NEBL: variants seen among roughly 807,000 people sequenced by gnomAD.
NEBL encodes the protein nebulette.
Under a neutral mutation model 140.2 loss-of-function variants are expected in NEBL, and 122 were observed. The ratio of observed to expected loss-of-function variants is 0.87; its 90% CI spans 0.75 to 1.01. The LOEUF (loss-of-function observed/expected upper bound fraction) is 1.01, where lower values mean the gene tolerates loss of function less well. Among genes scored for constraint, NEBL ranks in the 50% least tolerant of loss-of-function variants. The pLI is 0.00. For synonymous variants in NEBL, 436 were observed against 398.9 expected, an observed-to-expected ratio of 1.09 and a Z score of -1.11; for missense variants, 1,365 against 1,231.3, an observed-to-expected ratio of 1.11 and a Z score of -1.62.
intron 2 of NEBL, among the ~76,000 whole-genome samples, chr10:21,076,076 C>T (rs1312510746): frequency 6.6e-6 from 1 of 152,004 alleles, no homozygotes; most frequent in African/African-American, 2.4e-5. Flanking sequence ...AACTTTTATG[C>T]ATTATCAGCG....
At chr10:21,126,296 A>G in intron 2 of NEBL, 2 of 640,760 alleles carry the variant, frequency 3.1e-6, no homozygotes. Context: ...TTAAGTATAG[A>G]AATGTTTATA....
intron 4 of NEBL, among the ~76,000 whole-genome samples, chr10:20,932,881 C>G (rs897948171): frequency 1.3e-5 from 2 of 152,218 alleles, no homozygotes; most frequent in Non-Finnish European, 2.9e-5. Flanking sequence ...CATGCATATG[C>G]ATATTTTCAT....
chr10:21,042,862 G>C (rs1042419159), intron 2 of NEBL, among the ~76,000 whole-genome samples: 3 of 152,198 alleles, frequency 2.0e-5, no homozygotes, highest in Admixed American at 6.5e-5. Flanking sequence ...CTTTCACAGA[G>C]AGCCTTTGCT....
At chr10:21,094,792 G>T (rs1345707905) in intron 2 of NEBL, among the ~76,000 whole-genome samples, 2 of 152,144 alleles carry the variant, frequency 1.3e-5, no homozygotes, top group Non-Finnish European at 2.9e-5. Flanking sequence ...TCACCTCTTT[G>T]CTTCTAAGTC....
At chr10:20,937,811 G>C (rs1042987113) in intron 4 of NEBL, among the ~76,000 whole-genome samples, 1 of 152,176 alleles carries the variant, frequency 6.6e-6, no homozygotes. Flanking sequence ...CTGGCTCAGA[G>C]GGTCCTACAC....
chr10:21,018,510 C>A (rs192238820), intron 3 of NEBL, among the ~76,000 whole-genome samples: 146 of 152,266 alleles, frequency 9.6e-4, no homozygotes, highest in African/African-American at 3.4e-3. Flanking sequence ...ATACAAACAC[C>A]AGCATTTTAC....
intron 9 of NEBL, among the ~76,000 whole-genome samples, chr10:20,853,867 T>A (rs1842791013): frequency 6.6e-6 from 1 of 152,118 alleles, no homozygotes; most frequent in South Asian, 2.1e-4. Flanking sequence ...ATTGTACATT[T>A]TAAAATAACT....
chr10:21,049,320 G>A (rs1834660756), intron 2 of NEBL, among the ~76,000 whole-genome samples: 1 of 152,174 alleles, frequency 6.6e-6, no homozygotes, highest in South Asian at 2.1e-4. Flanking sequence ...CATCTAGCAG[G>A]CCCACCACAC....
chr10:20,865,243 CTA>C (rs1844153474), intron 7 of NEBL, among the ~76,000 whole-genome samples: 1 of 93,082 alleles, frequency 1.1e-5, no homozygotes, highest in Admixed American at 9.7e-5. Flanking sequence ...TTTTGAATAC[CTA>C]AAGTAAAATT....
intron 2 of NEBL, among the ~76,000 whole-genome samples, chr10:21,021,305 T>C (rs1838781286): frequency 1.3e-5 from 2 of 152,256 alleles, no homozygotes; most frequent in South Asian, 4.1e-4. Flanking sequence ...CCTTCCCATC[T>C]GAGAACAAAT....
At chr10:20,939,022 T>C (rs939614920) in intron 4 of NEBL, among the ~76,000 whole-genome samples, 4 of 152,116 alleles carry the variant, frequency 2.6e-5, no homozygotes, top group Non-Finnish European at 4.4e-5. Context: ...CTGCAGGATA[T>C]TATCCAGGAG....
At position 20,784,273 on chromosome 10, in the gene NEBL, C is replaced by G. The variant is rs932967402; in HGVS notation, c.*1474G>C. On this transcript the variant is annotated 3_prime_UTR_variant, in exon 28 of 28. Coordinates refer to ENST00000377122, the MANE Select transcript of NEBL (RefSeq NM_006393.3). Reference sequence around the variant, plus strand: ...AGTAAACGGCACAATCAGAAAAACACAGGGTTGCCGACGGGTGCCGCTGGC... The same window carrying G: ...AGTAAACGGCACAATCAGAAAAACAGAGGGTTGCCGACGGGTGCCGCTGGC... The G allele has an allele frequency of 1.3e-5, 2 of 152,134 alleles. No homozygotes were observed. Among genetic ancestry groups the G allele is most frequent in the African/African-American group, 4.8e-5 (2 of 41,434 alleles). The allele number at this position is 152,134 out of a possible 1,614,324, so 9.4% of individuals were successfully genotyped here. A position where few individuals can be genotyped will look rare whatever the true frequency, so the allele number is the denominator to read the frequency against.
intron 3 of NEBL, among the ~76,000 whole-genome samples, chr10:21,209,495 A>G (rs1354790877): frequency 6.6e-6 from 1 of 152,128 alleles, no homozygotes; most frequent in Non-Finnish European, 1.5e-5. Flanking sequence ...TGTTGAAAAG[A>G]AAGAGAGGAA....
At position 20,992,189 on chromosome 10, in the gene NEBL, G is replaced by A. The variant is rs951203926; in HGVS notation, c.249+27928C>T. On this transcript the variant is annotated intron_variant, in intron 3 of 6. Coordinates refer to the NEBL transcript ENST00000417816. ...CTTTGCTAATTAGTAGTAATTAAAC[G>A]TTGGTTTAAAAATAGATATTACAGA... Among the ~76,000 whole-genome samples the A allele has an allele frequency of 3.3e-5, 5 of 152,114 alleles. No individual in the cohort carries two copies. The East Asian group carries it at 7.7e-4, about 23-fold the overall frequency.
intron 1 of NEBL, among the ~76,000 whole-genome samples, chr10:21,273,144 C>A (rs1176647865): frequency 6.6e-6 from 1 of 152,022 alleles, no homozygotes; most frequent in Non-Finnish European, 1.5e-5. Context: ...TGTGGGCCCT[C>A]GGAGGAGGTT....
chr10:21,114,082 G>T (rs1690235442), intron 2 of NEBL, among the ~76,000 whole-genome samples: 1 of 151,770 alleles, frequency 6.6e-6, no homozygotes, highest in Non-Finnish European at 1.5e-5. Context: ...ATTGTTTATT[G>T]GTAACTCACA....
At chr10:21,187,435 G>A (rs1269342832) in intron 3 of NEBL, among the ~76,000 whole-genome samples, 1 of 151,512 alleles carries the variant, frequency 6.6e-6, no homozygotes, top group African/African-American at 2.4e-5. Flanking sequence ...GCTAGCATCT[G>A]GTAAAATAAT....
intron 4 of NEBL, among the ~76,000 whole-genome samples, chr10:20,917,475 G>T (rs541043727): frequency 4.8e-4 from 73 of 152,258 alleles, no homozygotes; most frequent in African/African-American, 1.6e-3. Flanking sequence ...AGTTGAGACT[G>T]TTCAGGGGAT....
chr10:20,868,722 G>A lies in NEBL; in HGVS notation c.626C>T (p.Ala209Val), dbSNP rs1564402793. The A allele has an allele frequency of 6.2e-7, 1 of 1,612,728 alleles. No homozygotes were observed. Among genetic ancestry groups the A allele is most frequent in the Non-Finnish European group, 8.5e-7 (1 of 1,178,992 alleles). The change falls in exon 7 of 28, where the codon GCT becomes GTT. Residue 209 changes from alanine (A) to valine (V), a missense_variant. This residue lies in a region of NEBL where 1,323 missense variants were observed against 1,154.8 expected (regional missense o/e 1.15). Coordinates refer to ENST00000377122, the MANE Select transcript of NEBL (RefSeq NM_006393.3). ...TTCAAAATCTGGTCTTCCAATTACA[G>A]CGGGCTCTTTATTCATTATTCCTTG... Reference protein sequence around the residue: ...KGQGIMNKEPAVIGRPDFEHA... With the variant: ...KGQGIMNKEPVVIGRPDFEHA...
Sources: allele counts gnomAD v4.1 joint callset (sites outside exome capture counted in the v4.1 genomes callset), GRCh38; gene constraint gnomAD v4.1.1; regional missense constraint gnomAD v4.1.1; transcripts MANE v1.5; gene names NCBI Gene and HGNC (gene_info 2026-07-23, HGNC 2026-07-21).